APTX: variants seen among roughly 807,000 people sequenced by gnomAD.
APTX encodes aprataxin.
In APTX, 33 loss-of-function variants were observed where a neutral mutation model predicts 42.3. The ratio of observed to expected loss-of-function variants is 0.78; its 90% CI spans 0.59 to 1.04. The LOEUF (loss-of-function observed/expected upper bound fraction) is 1.04, where lower values mean the gene tolerates loss of function less well. APTX is among the 50% of genes least tolerant of loss of function. The pLI is 0.00. For missense variants in APTX, 421 were observed against 415.1 expected (o/e 1.01, Z -0.12); for synonymous variants, 130 against 146.7 (o/e 0.89, Z 0.82).
At chr9:33,001,258 C>A (rs1836371261) in intron 1 of APTX, 5 of 1,397,926 alleles carry the variant, frequency 3.6e-6, no homozygotes, top group Non-Finnish European at 4.7e-6. Flanking sequence ...TCCCGACAAG[C>A]TGGGCCGCCT....
intron 1 of APTX, chr9:33,001,220 G>T (rs577314785): frequency 1.7e-6 from 2 of 1,186,664 alleles, no homozygotes; most frequent in Non-Finnish European, 2.2e-6. Flanking sequence ...TGCCTTTCAC[G>T]AAGCATTTCT....
At chr9:33,001,545 G>A in intron 1 of APTX, 22 bp downstream of exon 1, 3 of 1,613,688 alleles carry the variant, frequency 1.9e-6, no homozygotes, top group Non-Finnish European at 2.5e-6. Flanking sequence ...CAGCAGAAGA[G>A]ATAGGCTGAC....
rs547367695 is a variant in APTX at position 33,023,723 on chromosome 9, G to C, written c.-5+1300C>G. ...GAAAAGGCGTATATGGGAAACTGCG[G>C]ATAGTTCTGTGACTGGAATGCACAG... On this transcript the variant is annotated intron_variant, in intron 1 of 6. Coordinates refer to the APTX transcript ENST00000436040. Among the ~76,000 whole-genome samples, 9 of 152,376 alleles carry C rather than the reference G, an allele frequency of 5.9e-5. No individual in the cohort carries two copies. In the East Asian group the frequency reaches 1.7e-3, roughly 29 times the overall value.
At chr9:32,995,646 G>A (rs576775146) in intron 1 of APTX, among the ~76,000 whole-genome samples, 100 of 152,124 alleles carry the variant, frequency 6.6e-4, no homozygotes, top group Non-Finnish European at 1.2e-3. Context: ...CCAGCACTTT[G>A]GGAGGCCAAG....
chr9:32,979,225 C>A (rs1830150653), intron 6 of APTX, among the ~76,000 whole-genome samples: 1 of 152,138 alleles, frequency 6.6e-6, no homozygotes. Context: ...TAGTGTCTGT[C>A]ATTCCCTGCT....
At chr9:32,990,104 G>A (rs1034985360) in intron 1 of APTX, 2 of 616,402 alleles carry the variant, frequency 3.2e-6, no homozygotes, top group Non-Finnish European at 5.8e-6. Context: ...GAGATAATGT[G>A]AGTAAGTATT....
Position 32,973,476 on chromosome 9 carries a change from C to T in APTX, c.*22G>A, listed in dbSNP as rs1404633347. ...TTTGCTCCAGTGGGCCACACCACAG[C>T]AGCAGCTCAGGCTCTGCAGAATCAC... On this transcript the variant is annotated 3_prime_UTR_variant, in exon 8 of 8. Transcript: ENST00000379817. 5 of 1,613,418 alleles carry T rather than the reference C, an allele frequency of 3.1e-6. No homozygotes were observed. In the East Asian group the frequency reaches 6.7e-5, roughly 22 times the overall value.
intron 6 of APTX, among the ~76,000 whole-genome samples, 172 bp from the exon 7 acceptor site, chr9:32,974,733 T>C (rs1223267098): frequency 6.6e-6 from 1 of 152,180 alleles, no homozygotes; most frequent in African/African-American, 2.4e-5. Context: ...TTCATTTACT[T>C]AAGAATATTT....
At chr9:32,973,935 G>A (rs1828697850) in intron 7 of APTX, among the ~76,000 whole-genome samples, 1 of 151,890 alleles carries the variant, frequency 6.6e-6, no homozygotes, top group Non-Finnish European at 1.5e-5. Flanking sequence ...CCTCTGGTTG[G>A]CCCTTGGTAA....
Position 32,989,388 on chromosome 9 carries a change from T to C in APTX, c.133+371A>G, listed in dbSNP as rs185915942. Among the ~76,000 whole-genome samples, 183 of 152,348 alleles carry C rather than the reference T, an allele frequency of 1.2e-3. 2 individuals carry two copies. The highest frequency in any genetic ancestry group is 4.2e-3 in the African/African-American group (174 of 41,574). On this transcript the variant is annotated intron_variant, in intron 2 of 7. Transcript: ENST00000379817. ...ATAATACTTTGCGTGAAGCAATATG[T>C]AAAGGACGGCACTACCCCATTACTT...
Position 32,972,890 on chromosome 9 carries a change from C to T in APTX, c.*608G>A, listed in dbSNP as rs1828382932. ...ATTAGAAGAAAACTCCAACCCCCCA[C>T]ACCATCATCTAGCCTCTTTTCTCAC... is the stretch of plus-strand genomic sequence containing the variant. On this transcript the variant is annotated 3_prime_UTR_variant, in exon 8 of 8. Transcript: ENST00000379817. The T allele has an allele frequency of 2.2e-6, 1 of 454,142 alleles. No individual in the cohort carries two copies. Among genetic ancestry groups the T allele is most frequent in the Non-Finnish European group, 4.4e-6 (1 of 226,796 alleles). The allele number at this position is 454,142 out of a possible 1,614,324, so 28.1% of individuals were successfully genotyped here. A position where few individuals can be genotyped will look rare whatever the true frequency, so the allele number is the denominator to read the frequency against.
At chr9:32,996,278 C>CTTT (rs112456184) in intron 1 of APTX, among the ~76,000 whole-genome samples, 9 of 142,890 alleles carry the variant, frequency 6.3e-5, no homozygotes, top group Admixed American at 2.1e-4. Context: ...ATAAATCGCT[C>CTTT]TTTTTTTTTT....
intron 2 of APTX, among the ~76,000 whole-genome samples, chr9:32,989,137 TCCC>T (rs2118848526): frequency 6.6e-6 from 1 of 152,244 alleles, no homozygotes; most frequent in South Asian, 2.1e-4. Flanking sequence ...TGGCTTTGTA[TCCC>T]TCCACTTAGA....
At chr9:33,024,080 C>T (rs1838636572) in intron 1 of APTX, among the ~76,000 whole-genome samples, 1 of 152,240 alleles carries the variant, frequency 6.6e-6, no homozygotes. Flanking sequence ...GAGGCTCTCC[C>T]CTACTGACTT....
At chr9:32,998,010 C>A (rs913084639) in intron 1 of APTX, among the ~76,000 whole-genome samples, 2 of 152,064 alleles carry the variant, frequency 1.3e-5, no homozygotes, top group Non-Finnish European at 1.5e-5. Context: ...GGTAAAAGGA[C>A]AACAGTAGAG....
chr9:33,007,060 G>A (rs1319766802), intron 1 of APTX, among the ~76,000 whole-genome samples: 1 of 148,308 alleles, frequency 6.7e-6, no homozygotes, highest in Non-Finnish European at 1.5e-5. Context: ...TCTGAGGAAA[G>A]GACAATTAGA....
intron 1 of APTX, among the ~76,000 whole-genome samples, chr9:33,013,945 G>C (rs10971314): frequency 0.33 from 49,990 of 152,136 alleles, 8,502 homozygotes; most frequent in Non-Finnish European, 0.37. Context: ...CCCTAGGGCT[G>C]TAAATCTGGC....
At chr9:32,977,668 TA>T (rs1282822335) in intron 6 of APTX, among the ~76,000 whole-genome samples, 2 of 151,720 alleles carry the variant, frequency 1.3e-5, no homozygotes, top group Non-Finnish European at 2.9e-5. Context: ...CCATCTCTAC[TA>T]AAAATACAAA....
intron 1 of APTX, among the ~76,000 whole-genome samples, chr9:32,993,599 C>T (rs1487342615): frequency 6.6e-6 from 1 of 152,076 alleles, no homozygotes; most frequent in African/African-American, 2.4e-5. Flanking sequence ...CCTGCCTTCT[C>T]TCTCCCTTCC....
Sources: allele counts gnomAD v4.1 joint callset (sites outside exome capture counted in the v4.1 genomes callset), GRCh38; gene constraint gnomAD v4.1.1; transcripts MANE v1.5; gene names NCBI Gene and HGNC (gene_info 2026-07-23, HGNC 2026-07-21).